The following VPS13A variants were observed in gnomAD, a reference collection of about 807,000 sequenced individuals.
The protein encoded by VPS13A is vacuolar protein sorting 13 homolog A, also known as intermembrane lipid transfer protein VPS13A.
In VPS13A, 264 loss-of-function variants were observed where a neutral mutation model predicts 390.9. The ratio of observed to expected loss-of-function variants is 0.68; its 90% CI spans 0.61 to 0.75. The LOEUF is 0.75. Among genes scored for constraint, VPS13A ranks in the 30% least tolerant of loss-of-function variants. VPS13A has a pLI of 0.00. For missense variants in VPS13A, 3,409 were observed against 3,733.9 expected, an observed-to-expected ratio of 0.91 and a Z score of 2.27; for synonymous variants, 1,231 against 1,227.1, an observed-to-expected ratio of 1.00 and a Z score of -0.07.
At chr9:77,330,758 C>A (rs562736372) in intron 45 of VPS13A, among the ~76,000 whole-genome samples, 1 of 151,972 alleles carries the variant, frequency 6.6e-6, no homozygotes, top group African/African-American at 2.4e-5. Context: ...AAAATATAGA[C>A]ATTTAAAAAT....
chr9:77,265,987 C>G (rs901270215), intron 23 of VPS13A, among the ~76,000 whole-genome samples: 3 of 152,156 alleles, frequency 2.0e-5, no homozygotes, highest in African/African-American at 7.2e-5. Context: ...CCCAGAGATT[C>G]TGGTTGTGTC....
chr9:77,402,858 A>G (rs1488068450), intron 68 of VPS13A, among the ~76,000 whole-genome samples: 1 of 152,216 alleles, frequency 6.6e-6, no homozygotes, highest in East Asian at 1.9e-4. Flanking sequence ...TATGTGATGC[A>G]TATGTTTAGA....
chr9:77,307,224 A>T (rs1828808864), intron 34 of VPS13A, among the ~76,000 whole-genome samples: 1 of 152,044 alleles, frequency 6.6e-6, no homozygotes, highest in African/African-American at 2.4e-5. Flanking sequence ...TAGCTCTTTG[A>T]GTTAGTTCCT....
chr9:77,236,537 G>C (rs1005787999), intron 17 of VPS13A, among the ~76,000 whole-genome samples: 1 of 152,150 alleles, frequency 6.6e-6, no homozygotes, highest in African/African-American at 2.4e-5. Flanking sequence ...GGGTAGAATT[G>C]TATCATCCAA....
chr9:77,179,450 A>T (rs1435304415), intron 1 of VPS13A, among the ~76,000 whole-genome samples: 1 of 152,138 alleles, frequency 6.6e-6, no homozygotes, highest in Non-Finnish European at 1.5e-5. Flanking sequence ...GCTGGTCTCA[A>T]ACTCCTGACC....
chr9:77,288,584 T>C (rs2131361717), intron 31 of VPS13A, among the ~76,000 whole-genome samples: 1 of 152,364 alleles, frequency 6.6e-6, no homozygotes, highest in South Asian at 2.1e-4. Flanking sequence ...TCAGATCCCT[T>C]TCTGTTACTG....
chr9:77,210,064 T>G (rs568238542), intron 6 of VPS13A, among the ~76,000 whole-genome samples: 2 of 152,130 alleles, frequency 1.3e-5, no homozygotes, highest in Non-Finnish European at 2.9e-5. Flanking sequence ...AATATAGGAA[T>G]GAAAGTTTTT....
chr9:77,203,971 CT>C (rs901080583), intron 3 of VPS13A, among the ~76,000 whole-genome samples: 1 of 152,120 alleles, frequency 6.6e-6, no homozygotes, highest in African/African-American at 2.4e-5. Context: ...AAGAGGATTG[CT>C]TGAGGCCAGG....
chr9:77,192,917 C>T (rs879147785), intron 1 of VPS13A, among the ~76,000 whole-genome samples: 2 of 152,142 alleles, frequency 1.3e-5, no homozygotes, highest in Non-Finnish European at 2.9e-5. Context: ...TTTTTGTGGA[C>T]AGTATCCTCA....
intron 67 of VPS13A, among the ~76,000 whole-genome samples, chr9:77,380,925 C>G (rs1304474238): frequency 6.6e-6 from 1 of 152,194 alleles, no homozygotes; most frequent in Non-Finnish European, 1.5e-5. Context: ...GTGAAACTTG[C>G]TTGCCACTAC....
intron 62 of VPS13A, 106 bp downstream of exon 62, chr9:77,368,242 T>A: frequency 1.2e-6 from 1 of 866,468 alleles, no homozygotes; most frequent in South Asian, 1.6e-5. Context: ...AAATAGCCAT[T>A]TTCAAATTAT....
At chr9:77,278,362 C>T (rs941500353) in intron 26 of VPS13A, among the ~76,000 whole-genome samples, 1 of 151,798 alleles carries the variant, frequency 6.6e-6, no homozygotes, top group Non-Finnish European at 1.5e-5. Flanking sequence ...CGTGAGCCAC[C>T]GCGCCTGGCC....
intron 9 of VPS13A, 148 bp downstream of exon 9, chr9:77,213,462 T>A: frequency 1.5e-6 from 1 of 671,844 alleles, no homozygotes; most frequent in Non-Finnish European, 2.6e-6. Flanking sequence ...AAGATGTGTG[T>A]AACTATACAC....
chr9:77,252,214 T>C, intron 21 of VPS13A, 21 bp from the exon 22 acceptor site: 1 of 1,550,672 alleles, frequency 6.4e-7, no homozygotes, highest in Non-Finnish European at 8.9e-7. Flanking sequence ...ACGTTAAATA[T>C]GAACTATTTT....
At chr9:77,375,925 C>T (rs1474185880) in intron 67 of VPS13A, among the ~76,000 whole-genome samples, 1 of 151,904 alleles carries the variant, frequency 6.6e-6, no homozygotes, top group Non-Finnish European at 1.5e-5. Context: ...AAATAAGTAA[C>T]TGATAAATAT....
At chr9:77,270,732 T>C (rs1052484279) in intron 23 of VPS13A, among the ~76,000 whole-genome samples, 3 of 152,106 alleles carry the variant, frequency 2.0e-5, no homozygotes, top group African/African-American at 7.2e-5. Flanking sequence ...TTAATATGTG[T>C]TTGATTTATT....
At chr9:77,395,852 C>CT (rs1286356962) in intron 68 of VPS13A, 2 of 152,084 alleles carry the variant, frequency 1.3e-5, no homozygotes, top group African/African-American at 4.8e-5. Context: ...AAAAAAGAAT[C>CT]TTTTTTTCCT....
At chr9:77,351,937 A>G (rs1280714046) in intron 53 of VPS13A, among the ~76,000 whole-genome samples, 2 of 152,230 alleles carry the variant, frequency 1.3e-5, no homozygotes, top group African/African-American at 4.8e-5. Context: ...TTTTGTGGCC[A>G]CACTTCTGAA....
chr9:77,210,911 T>C (rs1387195966), intron 7 of VPS13A, among the ~76,000 whole-genome samples: 2 of 152,158 alleles, frequency 1.3e-5, no homozygotes, highest in Admixed American at 1.3e-4. Context: ...TTAGATGCTT[T>C]TGCTTACTTT....
Sources: gnomAD v4.1 joint callset for allele counts (sites outside exome capture counted in the v4.1 genomes callset) on GRCh38, gnomAD v4.1.1 for gene constraint, MANE v1.5 for transcripts, NCBI Gene and HGNC (gene_info 2026-07-23, HGNC 2026-07-21) for gene names.